Variants in MTUS2 observed in about 807,000 individuals in gnomAD.
MTUS2 encodes microtubule associated scaffold protein 2, also known as microtubule-associated tumor suppressor candidate 2.
MTUS2 carries 40 observed loss-of-function variants against 114.1 expected under a neutral mutation model. The ratio of observed to expected loss-of-function variants is 0.35; its 90% CI spans 0.27 to 0.46. The LOEUF (loss-of-function observed/expected upper bound fraction) is 0.46. Ranked by LOEUF, MTUS2 falls within the 20% of genes least tolerant of loss-of-function variation. The pLI is 1.00. For missense variants in MTUS2, 1,679 were observed against 1,705.4 expected (o/e 0.98, Z 0.27); for synonymous variants, 688 against 672.0 (o/e 1.02, Z -0.37).
At chr13:29,190,452 T>C (rs1187807716) in intron 5 of MTUS2, among the ~76,000 whole-genome samples, 1 of 152,224 alleles carries the variant, frequency 6.6e-6, no homozygotes, top group African/African-American at 2.4e-5. Context: ...CGCCTGGCTC[T>C]GGAACTGGTA....
chr13:29,004,181 A>G (rs1885502586), intron 2 of MTUS2, among the ~76,000 whole-genome samples: 1 of 150,036 alleles, frequency 6.7e-6, no homozygotes, highest in South Asian at 2.1e-4. Context: ...CAGAAAGGAT[A>G]TATGGGCACG....
At chr13:29,391,066 C>T (rs1396445806) in intron 8 of MTUS2, among the ~76,000 whole-genome samples, 1 of 151,410 alleles carries the variant, frequency 6.6e-6, no homozygotes, top group African/African-American at 2.4e-5. Flanking sequence ...CATGAGCCAC[C>T]GTGTGCCCAT....
chr13:29,480,110 CG>C lies in MTUS2; in HGVS notation c.3185-38del, dbSNP rs1881042014. 2 of 1,546,368 alleles carry C rather than the reference CG, an allele frequency of 1.3e-6. No homozygotes were observed. Among genetic ancestry groups the C allele is most frequent in the Non-Finnish European group, 1.7e-6 (2 of 1,143,234 alleles). On this transcript the variant is annotated intron_variant, in intron 9 of 15. Transcript: ENST00000612955. This position sits in a 1 kb window ranked among gnomAD's most constrained non-coding sequence, Gnocchi z 4.4. ...GGCTGAGTCCTTCCCATGCCTCCTA[CG>C]GCCATTTTTTAAAGAAAGATCTTGT...
At chr13:29,122,829 G>A (rs549254561) in intron 5 of MTUS2, among the ~76,000 whole-genome samples, 11 of 152,234 alleles carry the variant, frequency 7.2e-5, no homozygotes, top group South Asian at 4.1e-4. Flanking sequence ...ATCCCTGTCC[G>A]TATCACTGGC....
At chr13:29,278,207 A>G (rs147476477) in intron 5 of MTUS2, among the ~76,000 whole-genome samples, 1 of 152,354 alleles carries the variant, frequency 6.6e-6, no homozygotes, top group African/African-American at 2.4e-5. Flanking sequence ...AAATTTTTCA[A>G]ACAGTACATA....
intron 7 of MTUS2, among the ~76,000 whole-genome samples, chr13:29,349,220 G>A (rs1016479130): frequency 6.6e-6 from 1 of 151,120 alleles, no homozygotes; most frequent in African/African-American, 2.4e-5. Context: ...TTGTTTTAGG[G>A]TTCATAATAT....
chr13:29,188,150 A>G (rs1277524904), intron 5 of MTUS2, among the ~76,000 whole-genome samples: 4 of 152,222 alleles, frequency 2.6e-5, no homozygotes, highest in African/African-American at 9.6e-5. Context: ...ACCCAGGTGT[A>G]TCTTCTGTAG....
chr13:29,485,822 A>G (rs1249083954), intron 10 of MTUS2, among the ~76,000 whole-genome samples: 1 of 151,064 alleles, frequency 6.6e-6, no homozygotes, highest in African/African-American at 2.4e-5. Context: ...GAAACCACTC[A>G]TGATCATTTG....
At chr13:28,929,796 G>A (rs1468592195) in intron 2 of MTUS2, among the ~76,000 whole-genome samples, 1 of 152,230 alleles carries the variant, frequency 6.6e-6, no homozygotes, top group Admixed American at 6.5e-5. Context: ...GGTCCTGGCA[G>A]TCACAGCCCC....
chr13:28,940,475 G>A (rs1056890605), intron 2 of MTUS2, among the ~76,000 whole-genome samples: 24 of 152,156 alleles, frequency 1.6e-4, no homozygotes, highest in African/African-American at 5.8e-4. Flanking sequence ...GGCGTGGGAA[G>A]TAACTACTTA....
chr13:29,261,594 T>C (rs968551937), intron 5 of MTUS2, among the ~76,000 whole-genome samples: 4 of 152,196 alleles, frequency 2.6e-5, no homozygotes, highest in Non-Finnish European at 4.4e-5. Flanking sequence ...CACCTAAACT[T>C]TCTTATTGCT....
chr13:28,871,769 G>T (rs1221615220), intron 2 of MTUS2, among the ~76,000 whole-genome samples: 3 of 152,220 alleles, frequency 2.0e-5, no homozygotes, highest in Non-Finnish European at 4.4e-5. Flanking sequence ...TTACTTTAGA[G>T]TGGTTAAGGA....
intron 2 of MTUS2, among the ~76,000 whole-genome samples, chr13:28,917,328 G>A (rs988791485): frequency 6.6e-6 from 1 of 151,830 alleles, no homozygotes; most frequent in African/African-American, 2.4e-5. Flanking sequence ...AATAGTTTGA[G>A]TAGGATTGGC....
chr13:29,160,020 C>G (rs533866248), intron 5 of MTUS2, among the ~76,000 whole-genome samples: 17 of 152,296 alleles, frequency 1.1e-4, no homozygotes, highest in African/African-American at 3.1e-4. Flanking sequence ...TGAAGACTTA[C>G]GTTCACACAA....
intron 8 of MTUS2, among the ~76,000 whole-genome samples, chr13:29,383,676 T>A: frequency 6.6e-6 from 1 of 152,092 alleles, no homozygotes; most frequent in East Asian, 1.9e-4. Context: ...CCATAGCATG[T>A]TAGGTCCCAT....
At chr13:29,164,491 A>C (rs1027435662) in intron 5 of MTUS2, among the ~76,000 whole-genome samples, 8 of 152,178 alleles carry the variant, frequency 5.3e-5, no homozygotes, top group Non-Finnish European at 1.0e-4. Context: ...CTCAAAGTTG[A>C]CTTCTTTTTA....
intron 12 of MTUS2, 39 bp from the exon 13 acceptor site, chr13:29,497,199 T>C (rs1006154054): frequency 4.6e-5 from 73 of 1,571,292 alleles, no homozygotes; most frequent in Non-Finnish European, 6.3e-5. Context: ...CTGCTGTCTG[T>C]AGTGGCCCCA....
At chr13:29,307,404 C>T (rs1899524231) in intron 6 of MTUS2, 4 of 1,060,926 alleles carry the variant, frequency 3.8e-6, no homozygotes, top group African/African-American at 1.5e-5. Context: ...TCATCCCTGC[C>T]CCTAGTGACG....
At chr13:29,325,991 T>C (rs1371757072) in intron 7 of MTUS2, among the ~76,000 whole-genome samples, 1 of 152,184 alleles carries the variant, frequency 6.6e-6, no homozygotes, top group Non-Finnish European at 1.5e-5. Flanking sequence ...TGCTGATTAA[T>C]TTAAAATTTA....
Sources: allele counts gnomAD v4.1 joint callset (sites outside exome capture counted in the v4.1 genomes callset), GRCh38; gene constraint gnomAD v4.1.1; non-coding constraint Gnocchi (gnomAD v3.1); transcripts MANE v1.5; gene names NCBI Gene and HGNC (gene_info 2026-07-23, HGNC 2026-07-21).